Variants in WDR25 observed in about 807,000 individuals in gnomAD.
WDR25 encodes WD repeat-containing protein 25.
In WDR25, 35 loss-of-function variants were observed where a neutral mutation model predicts 47.7. That is an observed-to-expected ratio of 0.73 (90% confidence interval 0.56 to 0.97). The LOEUF (loss-of-function observed/expected upper bound fraction) is 0.97. WDR25 is among the 50% of genes least tolerant of loss of function. The pLI is 0.00. For synonymous variants in WDR25, 248 were observed against 278.9 expected (o/e 0.89, Z 1.10); for missense variants, 634 against 704.7 (o/e 0.90, Z 1.14).
chr14:100,398,656 T>C (rs561224945), intron 2 of WDR25, among the ~76,000 whole-genome samples: 1 of 150,546 alleles, frequency 6.6e-6, no homozygotes, highest in African/African-American at 2.5e-5. Flanking sequence ...CTATGGACTT[T>C]ATTTGCATTT....
chr14:100,388,239 C>T (rs1189336779), intron 2 of WDR25, among the ~76,000 whole-genome samples: 1 of 151,992 alleles, frequency 6.6e-6, no homozygotes, highest in Non-Finnish European at 1.5e-5. Context: ...TGGTAGTGGG[C>T]CTTTGGTATT....
At chr14:100,470,836 A>C (rs1210120290) in intron 3 of WDR25, among the ~76,000 whole-genome samples, 1 of 152,202 alleles carries the variant, frequency 6.6e-6, no homozygotes, top group Non-Finnish European at 1.5e-5. Flanking sequence ...GTGTGTAAAG[A>C]AAAGCATGGC....
rs1183633737 is a variant in WDR25, at chr14:100,428,739, C to T, written c.823-39282C>T. Among the ~76,000 whole-genome samples the T allele has an allele frequency of 6.6e-6, 1 of 152,162 alleles. No individual in the cohort carries two copies. Among genetic ancestry groups the T allele is most frequent in the Non-Finnish European group, 1.5e-5 (1 of 68,020 alleles). On this transcript the variant is annotated intron_variant, in intron 2 of 6. Transcript: ENST00000402312. This position sits in a 1 kb window ranked among gnomAD's most constrained non-coding sequence, Gnocchi z 4.3. ...GGATGTATTTTTGAACATTTGATAC[C>T]TTCTTTCAAAAGTGCTGTACCTTCG...
chr14:100,519,387 T>C (rs1282590502), intron 4 of WDR25, among the ~76,000 whole-genome samples: 2 of 152,102 alleles, frequency 1.3e-5, no homozygotes, highest in Non-Finnish European at 2.9e-5. Flanking sequence ...ATAATTTTAA[T>C]TGCTATGTCT....
At chr14:100,431,621 A>C (rs902206490) in intron 2 of WDR25, among the ~76,000 whole-genome samples, 2 of 150,454 alleles carry the variant, frequency 1.3e-5, no homozygotes, top group Admixed American at 1.3e-4. Context: ...ATCTCTGCTC[A>C]CTGCAACCTC....
chr14:100,380,800 T>A, intron 1 of WDR25, 110 bp from the exon 2 acceptor site: 1 of 1,079,148 alleles, frequency 9.3e-7, no homozygotes, highest in East Asian at 2.6e-5. Context: ...GGCCTGTGTT[T>A]ATTCTTATGA....
rs559173047 is a variant in WDR25, at chr14:100,447,271, G to C, written c.823-20750G>C. ...TAGGTGACTTTTTTAGAAGTGATTA[G>C]ACTTGGGGATTGTTTCTCAGAAATG... On this transcript the variant is annotated intron_variant, in intron 2 of 6. Transcript: ENST00000402312. Among the ~76,000 whole-genome samples the C allele has an allele frequency of 8.5e-5, 13 of 152,316 alleles. No homozygotes were observed. In the South Asian group the frequency reaches 2.7e-3, roughly 32 times the overall value.
rs193273835 is a variant in WDR25 at position 100,505,581 on chromosome 14, G to A, written c.1102-20289G>A. 1.3e-3 allele frequency among the ~76,000 whole-genome samples: 192 copies of A among 152,170 alleles called. 1 individual carries two copies. Among genetic ancestry groups the A allele is most frequent in the Admixed American group, 1.4e-3 (22 of 15,288 alleles). ...TGGCTATTCTAGGTTCTTTACATTC[G>A]TATTTCAATTTTACAATCAACTTAT... On this transcript the variant is annotated intron_variant, in intron 4 of 6. Transcript: ENST00000402312.
At chr14:100,527,544 C>G (rs988383822) in intron 5 of WDR25, among the ~76,000 whole-genome samples, 1 of 152,222 alleles carries the variant, frequency 6.6e-6, no homozygotes, top group Non-Finnish European at 1.5e-5. Flanking sequence ...CTGAGCAAAC[C>G]CACTTCTAGA....
rs928257735 is a variant in WDR25, at chr14:100,449,365, G to A, written c.823-18656G>A. On this transcript the variant is annotated intron_variant, in intron 2 of 6. Transcript: ENST00000402312. The surrounding 1 kb of genome is among the most constrained non-coding windows in gnomAD (Gnocchi z 4.2). ...CTGCCCCGGGAGGCCTCCTTTGGGAGCAGAGACAGCCTGGCACTGGCCTGT... is the reference window on the plus strand; with the variant it reads ...CTGCCCCGGGAGGCCTCCTTTGGGAACAGAGACAGCCTGGCACTGGCCTGT... Among the ~76,000 whole-genome samples the A allele has an allele frequency of 6.6e-6, 1 of 152,262 alleles. No homozygotes were observed. Among genetic ancestry groups the A allele is most frequent in the African/African-American group, 2.4e-5 (1 of 41,476 alleles).
chr14:100,497,749 A>G (rs1322151748), intron 4 of WDR25, among the ~76,000 whole-genome samples: 1 of 151,986 alleles, frequency 6.6e-6, no homozygotes, highest in Non-Finnish European at 1.5e-5. Context: ...GCTAAATGTC[A>G]CCTGTCCTCC....
At position 100,483,989 on chromosome 14, in the gene WDR25, T is replaced by C. The variant is rs753329606; in HGVS notation, c.971-5T>C. The C allele has an allele frequency of 1.0e-5, 16 of 1,605,878 alleles. No homozygotes were observed. The South Asian group carries it at 1.8e-4, about 18-fold the overall frequency. ...CTAACCCTCTCTTCTCTTTTTGTGT[T>C]GTAGGAACCCAGCTATTTAGTGGTC... On this transcript the variant is annotated splice_polypyrimidine_tract_variant and splice_region_variant and intron_variant, in intron 3 of 6. Transcript: ENST00000402312.
In WDR25 at chr14:100,526,783, TCAC is replaced by T. The variant is rs1555397794; in HGVS notation, c.1272+749_1272+751del. Among the ~76,000 whole-genome samples, 4 of 288 alleles carry T rather than the reference TCAC, an allele frequency of 0.014. No homozygotes were observed. In the South Asian group the frequency reaches 0.25, roughly 18 times the overall value. 0.2% of individuals were successfully genotyped at this position (288 alleles called of 152,430 possible). On this transcript the variant is annotated intron_variant, in intron 5 of 6. Transcript: ENST00000402312. Reference sequence around the variant, plus strand: ...ATTGTCACTACCACCACTACTATCATCACCACCATCATCACCAGCACCAGCACC... The same window carrying T: ...ATTGTCACTACCACCACTACTATCATCACCATCATCACCAGCACCAGCACC...
chr14:100,493,391 C>G, intron 4 of WDR25, among the ~76,000 whole-genome samples: 1 of 152,132 alleles, frequency 6.6e-6, no homozygotes, highest in African/African-American at 2.4e-5. Flanking sequence ...TGGCTTCTTT[C>G]GCTTAACATA....
Position 100,424,078 on chromosome 14 carries a change from G to A in WDR25, c.822+42332G>A, listed in dbSNP as rs971895969. On this transcript the variant is annotated intron_variant, in intron 2 of 6. Coordinates refer to ENST00000402312, the MANE Select transcript of WDR25 (RefSeq NM_001161476.3). This position sits in a 1 kb window ranked among gnomAD's most constrained non-coding sequence, Gnocchi z 4.2. The stretch of plus-strand genomic sequence containing the variant: ...AGCCAGGTGTGCCACAGGCCATCTC[G>A]CAGGGCCTCCCTGTACCAACCAGAT... 2.6e-5 allele frequency among the ~76,000 whole-genome samples: 4 copies of A among 152,206 alleles called. No homozygotes were observed. The highest frequency in any genetic ancestry group is 9.6e-5 in the African/African-American group (4 of 41,452).
chr14:100,472,690 C>G (rs1899883266), intron 3 of WDR25, among the ~76,000 whole-genome samples: 1 of 152,270 alleles, frequency 6.6e-6, no homozygotes, highest in Admixed American at 6.5e-5. Context: ...CTGCGTGGGT[C>G]TTGGGGGCAG....
intron 2 of WDR25, among the ~76,000 whole-genome samples, chr14:100,459,896 A>G (rs59636861): frequency 0.34 from 5,617 of 16,562 alleles, 442 homozygotes; most frequent in African/African-American, 0.5. Context: ...GTGTGTGTGT[A>G]TATATATATA....
chr14:100,394,972 A>G lies in WDR25; in HGVS notation c.822+13226A>G, dbSNP rs554387393. Among the ~76,000 whole-genome samples, 5 of 152,262 alleles carry G rather than the reference A, an allele frequency of 3.3e-5. No homozygotes were observed. The South Asian group carries it at 8.3e-4, about 25-fold the overall frequency. ...TGCACTCAAGCCTGTATCTCAAAAA[A>G]AAACAACAACAATGAAATCGATGAG... On this transcript the variant is annotated intron_variant, in intron 2 of 6. Coordinates refer to ENST00000402312, the MANE Select transcript of WDR25 (RefSeq NM_001161476.3).
At chr14:100,439,887 T>C (rs1460982660) in intron 2 of WDR25, among the ~76,000 whole-genome samples, 3 of 152,070 alleles carry the variant, frequency 2.0e-5, no homozygotes, top group African/African-American at 7.3e-5. Context: ...TGGATGGGAG[T>C]GAACTAGCTG....
Sources: allele counts gnomAD v4.1 joint callset (sites outside exome capture counted in the v4.1 genomes callset), GRCh38; gene constraint gnomAD v4.1.1; non-coding constraint Gnocchi (gnomAD v3.1); transcripts MANE v1.5; gene names NCBI Gene and HGNC (gene_info 2026-07-23, HGNC 2026-07-21).